PRKG1: variants seen among roughly 807,000 people sequenced by gnomAD.
The protein encoded by PRKG1 is cGMP-dependent protein kinase 1.
A neutral mutation model predicts 88.1 loss-of-function variants in PRKG1; 35 were observed. That is an observed-to-expected ratio of 0.40 (90% confidence interval 0.30 to 0.53). The LOEUF (loss-of-function observed/expected upper bound fraction) is 0.53. Among genes scored for constraint, PRKG1 ranks in the 20% least tolerant of loss-of-function variants. The pLI is 0.59. For synonymous variants in PRKG1, 303 were observed against 292.5 expected, an observed-to-expected ratio of 1.04 and a Z score of -0.37; for missense variants, 540 against 839.8, an observed-to-expected ratio of 0.64 and a Z score of 4.41.
intron 2 of PRKG1, among the ~76,000 whole-genome samples, chr10:51,444,176 A>T (rs1839203834): frequency 6.6e-6 from 1 of 151,662 alleles, no homozygotes; most frequent in African/African-American, 2.4e-5. Context: ...AACTAGAAAT[A>T]TCTAGTATGA....
chr10:52,279,892 T>G (rs919920939), intron 12 of PRKG1, among the ~76,000 whole-genome samples: 6 of 151,942 alleles, frequency 3.9e-5, no homozygotes, highest in African/African-American at 1.5e-4. Flanking sequence ...ATGGTTTATC[T>G]CTTTAAGAAG....
At chr10:51,381,328 C>CATGA (rs1554801990) in intron 2 of PRKG1, among the ~76,000 whole-genome samples, 12 of 115,632 alleles carry the variant, frequency 1.0e-4, no homozygotes, top group African/African-American at 3.8e-4. Context: ...GGAATAAATG[C>CATGA]ATGAGGAAAT....
chr10:51,555,258 A>T lies in PRKG1; in HGVS notation c.592+87422A>T, dbSNP rs371515159. Among the ~76,000 whole-genome samples, 20 of 152,076 alleles carry T rather than the reference A, an allele frequency of 1.3e-4. No homozygotes were observed. The East Asian group carries it at 3.5e-3, about 27-fold the overall frequency. Reference sequence around the variant, plus strand: ...TTTCAACTCAAAACTCACTAATCAGATTGATTAGCTGTCCACAAAAATAAA... The same window carrying T: ...TTTCAACTCAAAACTCACTAATCAGTTTGATTAGCTGTCCACAAAAATAAA... On this transcript the variant is annotated intron_variant, in intron 3 of 17. Transcript: ENST00000373980.
chr10:52,045,968 A>G lies in PRKG1; in HGVS notation c.763-8516A>G, dbSNP rs545963534. On this transcript the variant is annotated intron_variant, in intron 5 of 17. Transcript: ENST00000373980. ...TCCTGGTGAAACTTTTAAGCAGTCA[A>G]AATGCATGCTGATGTTTGCTGAGAT... Among the ~76,000 whole-genome samples, 5 of 152,206 alleles carry G rather than the reference A, an allele frequency of 3.3e-5. 1 individual carries two copies. Among genetic ancestry groups the G allele is most frequent in the African/African-American group, 1.2e-4 (5 of 41,536 alleles).
chr10:51,211,602 A>G lies in PRKG1; in HGVS notation c.478+58272A>G, dbSNP rs556496646. ...AGCCTAAAATCTCCTTAAGCTGATA[A>G]GCAACTTTAGCAAAGTCTCAGGATA... On this transcript the variant is annotated intron_variant, in intron 2 of 17. Transcript: ENST00000373980. Among the ~76,000 whole-genome samples, 3 of 152,366 alleles carry G rather than the reference A, an allele frequency of 2.0e-5. No homozygotes were observed. In the East Asian group the frequency reaches 5.8e-4, roughly 29 times the overall value.
chr10:52,205,184 G>A (rs367568677), intron 9 of PRKG1, among the ~76,000 whole-genome samples: 5 of 152,168 alleles, frequency 3.3e-5, no homozygotes, highest in South Asian at 2.1e-4. Context: ...ACAGCAGGAC[G>A]TGGAAGTTCA....
intron 3 of PRKG1, among the ~76,000 whole-genome samples, chr10:51,574,259 C>A (rs867303703): frequency 6.6e-6 from 1 of 151,728 alleles, no homozygotes; most frequent in Non-Finnish European, 1.5e-5. Flanking sequence ...TTTTTCATCA[C>A]TGAAAGGAGA....
intron 9 of PRKG1, among the ~76,000 whole-genome samples, chr10:52,211,605 A>G (rs917856792): frequency 4.6e-5 from 7 of 151,968 alleles, no homozygotes; most frequent in Admixed American, 1.3e-4. Context: ...ATTCAGAGAG[A>G]CAGTTCTACT....
intron 1 of PRKG1, among the ~76,000 whole-genome samples, chr10:51,105,996 T>C (rs1257873277): frequency 6.6e-6 from 1 of 152,162 alleles, no homozygotes; most frequent in Admixed American, 6.5e-5. Context: ...AAAATAGCAA[T>C]GAGCAATCAG....
intron 4 of PRKG1, among the ~76,000 whole-genome samples, chr10:51,879,821 G>C (rs1841391698): frequency 6.6e-6 from 1 of 152,160 alleles, no homozygotes; most frequent in Non-Finnish European, 1.5e-5. Context: ...TGGGCATCTG[G>C]GTTCTGAAAT....
intron 4 of PRKG1, among the ~76,000 whole-genome samples, chr10:51,811,019 C>T (rs1021165878): frequency 2.0e-5 from 3 of 152,122 alleles, no homozygotes; most frequent in Non-Finnish European, 4.4e-5. Context: ...AATTTCTCTG[C>T]ACATTTTATA....
intron 3 of PRKG1, among the ~76,000 whole-genome samples, chr10:51,798,919 A>T (rs187740386): frequency 2.0e-5 from 3 of 151,912 alleles, no homozygotes; most frequent in Non-Finnish European, 4.4e-5. Context: ...TTTTATTTTC[A>T]CTCATATGTC....
chr10:52,120,854 C>T (rs962294399), intron 7 of PRKG1, among the ~76,000 whole-genome samples: 6 of 152,184 alleles, frequency 3.9e-5, no homozygotes, highest in Admixed American at 1.3e-4. Context: ...TATGGCTCCA[C>T]TAGGCATTGC....
At chr10:52,233,825 G>A (rs1055034486) in intron 9 of PRKG1, among the ~76,000 whole-genome samples, 3 of 152,064 alleles carry the variant, frequency 2.0e-5, no homozygotes, top group African/African-American at 7.2e-5. Context: ...GCTCCAGGAG[G>A]CCTGCCTGCC....
rs544767872 is a variant in PRKG1 at position 52,292,762 on chromosome 10, A to C, written c.1963-1040A>C. Among the ~76,000 whole-genome samples, 34 of 152,126 alleles carry C rather than the reference A, an allele frequency of 2.2e-4. 1 individual carries two copies. In the South Asian group the frequency reaches 2.3e-3, roughly 10 times the overall value. ...ATTAGGTATTGATGGGACATATCTC[A>C]AAATAATAAGAGCTATCTATGACAA... On this transcript the variant is annotated intron_variant, in intron 17 of 17. Transcript: ENST00000373980.
intron 3 of PRKG1, among the ~76,000 whole-genome samples, chr10:51,653,801 C>T (rs2132318344): frequency 6.6e-6 from 1 of 152,276 alleles, no homozygotes; most frequent in East Asian, 1.9e-4. Context: ...CTCCTGGCCT[C>T]AAGTGATCCA....
intron 5 of PRKG1, among the ~76,000 whole-genome samples, chr10:51,998,937 G>A (rs976531737): frequency 1.3e-5 from 2 of 152,138 alleles, no homozygotes; most frequent in Non-Finnish European, 2.9e-5. Context: ...ATAAGCAAAA[G>A]CCTAAGGGTG....
At chr10:51,298,667 T>A (rs750148165) in intron 2 of PRKG1, among the ~76,000 whole-genome samples, 38 of 152,220 alleles carry the variant, frequency 2.5e-4, no homozygotes, top group Non-Finnish European at 5.0e-4. Context: ...TATGAAATGG[T>A]TCTGATCTAA....
Position 51,631,039 on chromosome 10 carries a change from C to T in PRKG1, c.592+163203C>T, listed in dbSNP as rs145261426. 4.7e-4 allele frequency among the ~76,000 whole-genome samples: 72 copies of T among 152,326 alleles called. No individual in the cohort carries two copies. In the East Asian group the frequency reaches 0.012, roughly 26 times the overall value. On this transcript the variant is annotated intron_variant, in intron 3 of 17. Coordinates refer to ENST00000373980, the MANE Select transcript of PRKG1 (RefSeq NM_006258.4). ...CAAAGCAGTTTTGAAGGCTTCATGG[C>T]TTCTTCGTTGGATAGCCGGTCACCA...
Sources: gnomAD v4.1 joint callset for allele counts (sites outside exome capture counted in the v4.1 genomes callset) on GRCh38, gnomAD v4.1.1 for gene constraint, MANE v1.5 for transcripts, NCBI Gene and HGNC (gene_info 2026-07-23, HGNC 2026-07-21) for gene names.